MSN: variants seen among roughly 807,000 people sequenced by gnomAD.
MSN encodes the protein epididymis luminal protein 70.
MSN carries 2 observed loss-of-function variants against 48.0 expected under a neutral mutation model. That is an observed-to-expected ratio of 0.04 (90% CI 0.02 to 0.13). The LOEUF is 0.13. MSN is among the 10% of genes least tolerant of loss of function. The probability of loss-of-function intolerance (pLI) is 1.00; values close to 1 mark genes in which losing one functional copy is unlikely to be tolerated. For missense variants in MSN, 267 were observed against 470.1 expected, an observed-to-expected ratio of 0.57 and a Z score of 3.99; for synonymous variants, 146 against 166.9, an observed-to-expected ratio of 0.87 and a Z score of 0.97.
At chrX:65,606,044 G>A (rs1420926318) in intron 1 of MSN, among the ~76,000 whole-genome samples, 1 of 110,842 alleles carries the variant, frequency 9.0e-6, no homozygotes, top group African/African-American at 3.3e-5. Context: ...CCAGGCTCAA[G>A]CGATCCTTCT....
At chrX:65,596,600 CT>C (rs1287923920) in intron 1 of MSN, among the ~76,000 whole-genome samples, 233 of 93,318 alleles carry the variant, frequency 2.5e-3, no homozygotes, top group Non-Finnish European at 2.6e-3. Context: ...TTTTCTTTTT[CT>C]TTTTTTTTTT....
chrX:65,596,657 C>T (rs1205451106), intron 1 of MSN, among the ~76,000 whole-genome samples: 1 of 103,224 alleles, frequency 9.7e-6, no homozygotes, highest in Non-Finnish European at 2.0e-5. Flanking sequence ...GAGGCAGATA[C>T]CATTACCTCT....
intron 1 of MSN, among the ~76,000 whole-genome samples, chrX:65,621,205 G>A (rs964623100): frequency 7.2e-5 from 8 of 111,669 alleles, no homozygotes; most frequent in Non-Finnish European, 1.1e-4. Flanking sequence ...ATGAGCCTCC[G>A]TGCCCTGCCC....
intron 2 of MSN, among the ~76,000 whole-genome samples, chrX:65,724,409 G>A (rs2071547536): frequency 1.8e-5 from 2 of 111,142 alleles, no homozygotes; most frequent in African/African-American, 6.6e-5. Flanking sequence ...CTCCCAAAGT[G>A]CTGGCATTAT....
At chrX:65,711,404 C>T (rs1321946605) in intron 1 of MSN, among the ~76,000 whole-genome samples, 6 of 110,733 alleles carry the variant, frequency 5.4e-5, no homozygotes, top group African/African-American at 2.0e-4. Context: ...CCATGTTGGC[C>T]AGGCTGGTCT....
Position 65,651,618 on chromosome X carries a change from G to A in MSN, c.-22+63006G>A, listed in dbSNP as rs186821921. On this transcript the variant is annotated intron_variant, in intron 1 of 3. Coordinates refer to the MSN transcript ENST00000609672. The stretch of plus-strand genomic sequence containing the variant: ...TATTATTATTTTGCTATGGACTTTC[G>A]CTGTTCTTGTCCAGGCTGGAGTGCA... 1.4e-4 allele frequency among the ~76,000 whole-genome samples: 14 copies of A among 103,149 alleles called. No individual in the cohort carries two copies. In the South Asian group the frequency reaches 4.5e-3, roughly 33 times the overall value. 89.6% of individuals were successfully genotyped at this position (103,149 alleles called of 115,157 possible). A position where few individuals can be genotyped will look rare whatever the true frequency, so the allele number is the denominator to read the frequency against.
intron 1 of MSN, among the ~76,000 whole-genome samples, chrX:65,689,446 G>A (rs1042925938): frequency 3.6e-5 from 4 of 111,670 alleles, no homozygotes; most frequent in Non-Finnish European, 7.5e-5. Context: ...ATTAGAGGCC[G>A]GATGTGGATG....
At chrX:65,594,126 T>C (rs935238301) in intron 1 of MSN, among the ~76,000 whole-genome samples, 16 of 111,642 alleles carry the variant, frequency 1.4e-4, no homozygotes, top group African/African-American at 5.2e-4. Context: ...ACCTTCTCAT[T>C]GCCTAGAAGT....
At chrX:65,592,228 G>A (rs1162311646) in intron 1 of MSN, among the ~76,000 whole-genome samples, 1 of 84,415 alleles carries the variant, frequency 1.2e-5, no homozygotes, top group Admixed American at 1.7e-4. Context: ...ATGGAGTCTC[G>A]CTCTGTTTCC....
At chrX:65,732,075 C>T (rs2071628103) in intron 6 of MSN, 91 bp downstream of exon 6, 1 of 972,921 alleles carries the variant, frequency 1.0e-6, no homozygotes, top group Non-Finnish European at 1.4e-6. Context: ...CTCTTGGGTC[C>T]CATCTCAGTT....
intron 1 of MSN, among the ~76,000 whole-genome samples, chrX:65,615,166 C>T (rs1422506897): frequency 4.5e-5 from 5 of 110,398 alleles, no homozygotes; most frequent in Admixed American, 9.7e-5. Flanking sequence ...AACAAACATA[C>T]GTGTGCATGT....
intron 1 of MSN, among the ~76,000 whole-genome samples, chrX:65,672,845 T>G (rs1228943355): frequency 8.9e-6 from 1 of 111,850 alleles, no homozygotes; most frequent in Non-Finnish European, 1.9e-5. Flanking sequence ...GTCTCTTATA[T>G]GTATGTTCAT....
chrX:65,737,476 T>A, intron 10 of MSN, 138 bp downstream of exon 10: 1 of 741,407 alleles, frequency 1.3e-6, no homozygotes, highest in Non-Finnish European at 1.9e-6. Context: ...AAATAACTAG[T>A]TCAGAAGCAA....
intron 1 of MSN, among the ~76,000 whole-genome samples, chrX:65,703,904 G>A (rs147233114): frequency 8.2e-4 from 92 of 111,856 alleles, no homozygotes; most frequent in African/African-American, 2.9e-3. Flanking sequence ...GGCCAGAAGC[G>A]TCCCCCTGCA....
intron 3 of MSN, among the ~76,000 whole-genome samples, chrX:65,728,854 C>G (rs1248224563): frequency 1.8e-5 from 2 of 111,226 alleles, no homozygotes; most frequent in Non-Finnish European, 1.9e-5. Context: ...CTGGCCTTGT[C>G]CTTAGAAGTC....
At chrX:65,688,636 C>T (rs964428796) in intron 1 of MSN, among the ~76,000 whole-genome samples, 5 of 111,792 alleles carry the variant, frequency 4.5e-5, no homozygotes, top group African/African-American at 9.8e-5. Context: ...AACATTTGGC[C>T]CTTCCCCCGT....
chrX:65,624,306 G>A (rs763057289), intron 1 of MSN, among the ~76,000 whole-genome samples: 8 of 109,861 alleles, frequency 7.3e-5, no homozygotes, highest in East Asian at 5.7e-4. Context: ...TTGAACTCCC[G>A]ACCTCAGGTG....
At chrX:65,709,974 T>G (rs768050388) in intron 1 of MSN, among the ~76,000 whole-genome samples, 9 of 112,055 alleles carry the variant, frequency 8.0e-5, no homozygotes, top group African/African-American at 2.9e-4. Flanking sequence ...TAGCCTTCAA[T>G]GCCCTCCACT....
At chrX:65,626,758 T>C (rs2070510137) in intron 1 of MSN, among the ~76,000 whole-genome samples, 1 of 111,945 alleles carries the variant, frequency 8.9e-6, no homozygotes, top group Non-Finnish European at 1.9e-5. Flanking sequence ...TATCCAGGCT[T>C]ACACTGAGCC....
Sources: allele counts gnomAD v4.1 joint callset (sites outside exome capture counted in the v4.1 genomes callset), GRCh38; gene constraint gnomAD v4.1.1; transcripts MANE v1.5; gene names NCBI Gene and HGNC (gene_info 2026-07-23, HGNC 2026-07-21).